SH3BGRL2: variants seen among roughly 807,000 people sequenced by gnomAD.
SH3BGRL2 encodes the protein SH3 domain binding glutamate rich protein like 2.
SH3BGRL2 carries 21 observed loss-of-function variants against 14.8 expected under a neutral mutation model. The observed-to-expected ratio is 1.42, with a 90% CI of 1.01 to 2.05. The LOEUF (loss-of-function observed/expected upper bound fraction) is 2.05. Among genes scored for constraint, SH3BGRL2 ranks in the 30% most tolerant of loss-of-function variants. The probability of loss-of-function intolerance (pLI) is 0.00; values close to 1 mark genes in which losing one functional copy is unlikely to be tolerated. For missense variants in SH3BGRL2, 147 were observed against 130.8 expected (o/e 1.12, Z -0.61); for synonymous variants, 50 against 47.8 (o/e 1.05, Z -0.19).
At chr6:79,556,869 A>G in the SH3BGRL2 span, among the ~76,000 whole-genome samples, 2 of 152,014 alleles carry the variant, frequency 1.3e-5, no homozygotes, top group African/African-American at 4.8e-5. Context: ...ATATTAAAGT[A>G]TAATAAATAT....
intron 1 of SH3BGRL2, among the ~76,000 whole-genome samples, chr6:79,636,873 C>G (rs1768935187): frequency 6.6e-6 from 1 of 152,106 alleles, no homozygotes; most frequent in Admixed American, 6.5e-5. Flanking sequence ...TAGAGCCTAC[C>G]CTAATGATGT....
chr6:79,670,795 T>C (rs1769756879), intron 1 of SH3BGRL2, among the ~76,000 whole-genome samples: 1 of 152,198 alleles, frequency 6.6e-6, no homozygotes, highest in Non-Finnish European at 1.5e-5. Flanking sequence ...TTTCACATAT[T>C]TATGGTGTTT....
chr6:79,696,725 A>G (rs973544058), intron 3 of SH3BGRL2, among the ~76,000 whole-genome samples, 160 bp downstream of exon 3: 1 of 152,180 alleles, frequency 6.6e-6, no homozygotes, highest in African/African-American at 2.4e-5. Flanking sequence ...GTGTTAAAAC[A>G]TACAACAGAG....
At chr6:79,656,885 AC>A (rs1467887770) in intron 1 of SH3BGRL2, among the ~76,000 whole-genome samples, 1 of 152,220 alleles carries the variant, frequency 6.6e-6, no homozygotes, top group Admixed American at 6.5e-5. Context: ...GTGTGTGCAC[AC>A]ACACTGAACC....
chr6:79,647,784 A>G (rs954756390), intron 1 of SH3BGRL2, among the ~76,000 whole-genome samples: 1 of 152,170 alleles, frequency 6.6e-6, no homozygotes, highest in African/African-American at 2.4e-5. Context: ...GCCAGTGGAA[A>G]GTTAAAAGAC....
At chr6:79,580,011 A>G in the SH3BGRL2 span, among the ~76,000 whole-genome samples, 573 of 152,332 alleles carry the variant, frequency 3.8e-3, 7 homozygotes, top group African/African-American at 0.013. Context: ...GTCTCTGATA[A>G]AACAGACTTT....
the SH3BGRL2 span, among the ~76,000 whole-genome samples, chr6:79,547,644 T>C: frequency 6.6e-6 from 1 of 152,114 alleles, no homozygotes; most frequent in Non-Finnish European, 1.5e-5. Context: ...GGAAAAGAGG[T>C]TGAATCAGAA....
At chr6:79,549,974 T>A in the SH3BGRL2 span, among the ~76,000 whole-genome samples, 1 of 152,160 alleles carries the variant, frequency 6.6e-6, no homozygotes, top group Admixed American at 6.5e-5. Flanking sequence ...AACAAATTTT[T>A]AAATGCACAG....
At chr6:79,538,017 A>G in the SH3BGRL2 span, among the ~76,000 whole-genome samples, 1 of 50,006 alleles carries the variant, frequency 2.0e-5, no homozygotes, top group Non-Finnish European at 3.9e-5. Flanking sequence ...TTTGCACACA[A>G]GTTTTTTTTT....
chr6:79,620,814 T>C, the SH3BGRL2 span, among the ~76,000 whole-genome samples: 2 of 152,224 alleles, frequency 1.3e-5, no homozygotes, highest in Admixed American at 6.5e-5. Flanking sequence ...AATTATCTGC[T>C]GAGAGTTGGA....
Position 79,659,783 on chromosome 6 carries a change from TTTTC to T in SH3BGRL2, c.46-13830_46-13827del, listed in dbSNP as rs1769503431. Reference sequence around the variant, plus strand: ...TTCCTATCCATGAGCATGGAATGTTTTTTCATTTGTTTCTGTCCTCTCTTATTTC... The same window carrying T: ...TTCCTATCCATGAGCATGGAATGTTTATTTGTTTCTGTCCTCTCTTATTTC... On this transcript the variant is annotated intron_variant, in intron 1 of 3. Transcript: ENST00000369838. Among the ~76,000 whole-genome samples the T allele has an allele frequency of 2.0e-5, 3 of 152,310 alleles. No individual in the cohort carries two copies. The South Asian group carries it at 6.2e-4, about 32-fold the overall frequency.
the SH3BGRL2 span, among the ~76,000 whole-genome samples, chr6:79,545,840 C>G: frequency 3.9e-5 from 6 of 152,140 alleles, no homozygotes; most frequent in African/African-American, 1.4e-4. Context: ...ACCTTGCTAA[C>G]GTGCTGTCAT....
At chr6:79,624,305 AATAC>A in the SH3BGRL2 span, among the ~76,000 whole-genome samples, 1 of 149,954 alleles carries the variant, frequency 6.7e-6, no homozygotes. Context: ...ATATTATCAT[AATAC>A]ATATGTATCA....
rs533144772 is a variant in SH3BGRL2, at chr6:79,662,689, G to A, written c.46-10925G>A. On this transcript the variant is annotated intron_variant, in intron 1 of 3. Coordinates refer to ENST00000369838, the MANE Select transcript of SH3BGRL2 (RefSeq NM_031469.4). ...CTGTGTTTCCTGAATTTGAATGTTGGCTTGCCTTGCTAGGTTGGGGAAGTT... is the reference window on the plus strand; with the variant it reads ...CTGTGTTTCCTGAATTTGAATGTTGACTTGCCTTGCTAGGTTGGGGAAGTT... Among the ~76,000 whole-genome samples the A allele has an allele frequency of 2.0e-5, 3 of 152,176 alleles. No homozygotes were observed. The East Asian group carries it at 5.8e-4, about 29-fold the overall frequency.
intron 2 of SH3BGRL2, among the ~76,000 whole-genome samples, chr6:79,685,837 C>T (rs1238821697): frequency 6.6e-6 from 1 of 152,146 alleles, no homozygotes; most frequent in East Asian, 1.9e-4. Flanking sequence ...CCTCTTAATA[C>T]ATTTTAACCT....
chr6:79,621,452 A>G, the SH3BGRL2 span, among the ~76,000 whole-genome samples: 2 of 152,222 alleles, frequency 1.3e-5, no homozygotes, highest in African/African-American at 4.8e-5. Context: ...GAACCAGGAA[A>G]GAAGCCCTCA....
chr6:79,623,075 G>A, the SH3BGRL2 span, among the ~76,000 whole-genome samples: 1 of 152,158 alleles, frequency 6.6e-6, no homozygotes, highest in Non-Finnish European at 1.5e-5. Context: ...GGAGGCTGAG[G>A]TGGGCAGATC....
the SH3BGRL2 span, among the ~76,000 whole-genome samples, chr6:79,605,736 G>GA: frequency 6.6e-6 from 1 of 152,326 alleles, no homozygotes; most frequent in Admixed American, 6.5e-5. Flanking sequence ...GTTTTGCAAA[G>GA]AAAACTTTGA....
At chr6:79,577,763 G>A in the SH3BGRL2 span, among the ~76,000 whole-genome samples, 268 of 152,292 alleles carry the variant, frequency 1.8e-3, no homozygotes, top group African/African-American at 6.0e-3. Flanking sequence ...CATCTCACTG[G>A]GACTGGTTGG....
Sources: gnomAD v4.1 joint callset for allele counts (sites outside exome capture counted in the v4.1 genomes callset) on GRCh38, gnomAD v4.1.1 for gene constraint, MANE v1.5 for transcripts, NCBI Gene and HGNC (gene_info 2026-07-23, HGNC 2026-07-21) for gene names.